Variants in RNF144A observed in about 807,000 individuals in gnomAD.
RNF144A encodes the protein E3 ubiquitin-protein ligase RNF144A.
A neutral mutation model predicts 38.7 loss-of-function variants in RNF144A; 11 were observed. The ratio of observed to expected loss-of-function variants is 0.28; its 90% CI spans 0.18 to 0.47. The LOEUF is 0.47. RNF144A is among the 20% of genes least tolerant of loss of function. RNF144A has a pLI of 0.99. For missense variants in RNF144A, 316 were observed against 377.2 expected (o/e 0.84, Z 1.34); for synonymous variants, 149 against 143.9 (o/e 1.04, Z -0.25).
chr2:7,031,786 G>A (rs972765488), intron 8 of RNF144A, among the ~76,000 whole-genome samples: 4 of 152,356 alleles, frequency 2.6e-5, no homozygotes, highest in South Asian at 2.1e-4. Context: ...GATAAGACAC[G>A]CCTCCCATCA....
At chr2:7,000,874 A>G (rs1670051965) in intron 3 of RNF144A, among the ~76,000 whole-genome samples, 1 of 150,810 alleles carries the variant, frequency 6.6e-6, no homozygotes, top group South Asian at 2.1e-4. Flanking sequence ...ATATATATAT[A>G]TAATTTTTTT....
rs975002242 is a variant in RNF144A at position 7,024,273 on chromosome 2, T to G, written c.510-96T>G. 3.7e-6 allele frequency: 4 copies of G among 1,095,202 alleles called. No individual in the cohort carries two copies. In the East Asian group the frequency reaches 7.9e-5, roughly 22 times the overall value. 67.8% of individuals were successfully genotyped at this position (1,095,202 alleles called of 1,614,324 possible). On this transcript the variant is annotated intron_variant, in intron 6 of 8. Transcript: ENST00000320892. ...TTCATTTAATACCAAGAAAACTCAG[T>G]CTGTGAAGTGGAGCCGATGCTTCCA...
At chr2:6,995,489 G>A (rs1383624142) in intron 2 of RNF144A, among the ~76,000 whole-genome samples, 1 of 152,182 alleles carries the variant, frequency 6.6e-6, no homozygotes, top group Non-Finnish European at 1.5e-5. Context: ...CCATCTGCAA[G>A]CTGAGGAGCA....
rs1664191959 is a variant in RNF144A, at chr2:6,917,495, T to TGCAGTGCGG, written c.-336_-328dup. ...AGGCGGGAGGCGGCAGGGCTGGCATTGCAGTGCGGGCCGTGCGGGCTGCGC... is the reference window on the plus strand; with the variant it reads ...AGGCGGGAGGCGGCAGGGCTGGCATTGCAGTGCGGGCAGTGCGGGCCGTGCGGGCTGCGC... On this transcript the variant is annotated 5_prime_UTR_variant, in exon 1 of 9. Transcript: ENST00000320892. The surrounding 1 kb of genome is among the most constrained non-coding windows in gnomAD (Gnocchi z 4.8). 3 of 147,234 alleles carry TGCAGTGCGG rather than the reference T, an allele frequency of 2.0e-5. No homozygotes were observed. Among genetic ancestry groups the TGCAGTGCGG allele is most frequent in the Non-Finnish European group, 4.5e-5 (3 of 66,150 alleles). 9.1% of individuals were successfully genotyped at this position (147,234 alleles called of 1,614,324 possible).
chr2:7,062,543 A>G (rs1251266411), intron 6 of RNF144A, among the ~76,000 whole-genome samples: 2 of 152,154 alleles, frequency 1.3e-5, no homozygotes, highest in Middle Eastern at 3.4e-3. Context: ...AGGGCCTTCA[A>G]TATCAATAGA....
chr2:6,927,497 C>T (rs1001208175), intron 1 of RNF144A, among the ~76,000 whole-genome samples: 6 of 152,204 alleles, frequency 3.9e-5, no homozygotes, highest in Admixed American at 2.0e-4. Flanking sequence ...TCCTGCTGGC[C>T]TGGCAGATAA....
At position 7,041,348 on chromosome 2, in the gene RNF144A, GT is replaced by G; in HGVS notation, c.*1590del. On this transcript the variant is annotated 3_prime_UTR_variant, in exon 9 of 9. Transcript: ENST00000320892. ...TTTCTTATTTCCTAACATTGAATTC[GT>G]TAGAAAAAACAGCGTCACCTCACTC... 3 of 985,738 alleles carry G rather than the reference GT, an allele frequency of 3.0e-6. No individual in the cohort carries two copies. Among genetic ancestry groups the G allele is most frequent in the Non-Finnish European group, 3.6e-6 (3 of 829,890 alleles). The allele number at this position is 985,738 out of a possible 1,614,324, so 61.1% of individuals were successfully genotyped here. A position where few individuals can be genotyped will look rare whatever the true frequency, so the allele number is the denominator to read the frequency against.
rs1224464059 is a variant in RNF144A, at chr2:7,040,869, C to T, written c.*1109C>T. ...CCAAGTCCTGTTGCTAACCGTTTTG[C>T]TCTTGTTGGGGAAAAGAACCTCCCA... On this transcript the variant is annotated 3_prime_UTR_variant, in exon 9 of 9. Coordinates refer to ENST00000320892, the MANE Select transcript of RNF144A (RefSeq NM_014746.6). 1 of 985,322 alleles carries T rather than the reference C, an allele frequency of 1.0e-6. No individual in the cohort carries two copies. Among genetic ancestry groups the T allele is most frequent in the Admixed American group, 6.1e-5 (1 of 16,272 alleles). 61.0% of individuals were successfully genotyped at this position (985,322 alleles called of 1,614,324 possible).
chr2:6,985,638 A>ACCTCATGATCCGCCCACC, intron 2 of RNF144A, among the ~76,000 whole-genome samples: 2 of 152,210 alleles, frequency 1.3e-5, no homozygotes, highest in African/African-American at 4.8e-5. Flanking sequence ...TCTGAAGTTG[A>ACCTCATGATCCGCCCACC]TCGGTATCAA....
intron 2 of RNF144A, among the ~76,000 whole-genome samples, chr2:6,974,368 G>A (rs537036804): frequency 1.3e-5 from 2 of 152,164 alleles, no homozygotes; most frequent in Non-Finnish European, 2.9e-5. Flanking sequence ...TGCCGTGTCC[G>A]TGGTGGTGTG....
At chr2:7,073,768 G>T in the RNF144A span, among the ~76,000 whole-genome samples, 5 of 152,218 alleles carry the variant, frequency 3.3e-5, no homozygotes, top group African/African-American at 1.2e-4. Flanking sequence ...CATACATGAG[G>T]TGAAGATATA....
At chr2:7,069,900 A>G (rs879363457), downstream of RNF144A, among the ~76,000 whole-genome samples, 2 of 152,220 alleles carry the variant, frequency 1.3e-5, no homozygotes, top group Non-Finnish European at 2.9e-5. Flanking sequence ...TTAACTTTCA[A>G]TGTGTTGTCA....
intron 5 of RNF144A, among the ~76,000 whole-genome samples, chr2:7,018,144 G>C (rs1396129565): frequency 6.6e-6 from 1 of 152,196 alleles, no homozygotes; most frequent in Non-Finnish European, 1.5e-5. Flanking sequence ...GCTCCTTGCT[G>C]ATGTCAGAAG....
rs1668289766 is a variant in RNF144A, at chr2:6,976,000, A to G, written c.-11-20916A>G. Reference sequence around the variant, plus strand: ...TTTTTCATCCTTTCTTCAGCGGCACAGTATTCCATTGTGCAGACCTTCCAT... The same window carrying G: ...TTTTTCATCCTTTCTTCAGCGGCACGGTATTCCATTGTGCAGACCTTCCAT... On this transcript the variant is annotated intron_variant, in intron 2 of 8. Transcript: ENST00000320892. Among the ~76,000 whole-genome samples, 4 of 152,342 alleles carry G rather than the reference A, an allele frequency of 2.6e-5. 1 individual carries two copies. The highest frequency in any genetic ancestry group is 5.9e-5 in the Non-Finnish European group (4 of 68,030).
At chr2:7,044,734 A>G (rs558488993), downstream of RNF144A, among the ~76,000 whole-genome samples, 9 of 152,314 alleles carry the variant, frequency 5.9e-5, no homozygotes, top group South Asian at 1.0e-3. Context: ...AGCTTGGAGG[A>G]GAATCTATAC....
chr2:6,918,310 G>T (rs927723231), intron 1 of RNF144A: 2 of 152,312 alleles, frequency 1.3e-5, no homozygotes, highest in Admixed American at 1.3e-4. Flanking sequence ...CCGACCCCAA[G>T]CCCCCTGCAC....
chr2:6,919,379 A>T (rs893462251), intron 1 of RNF144A, among the ~76,000 whole-genome samples: 1 of 152,144 alleles, frequency 6.6e-6, no homozygotes, highest in Non-Finnish European at 1.5e-5. Flanking sequence ...TGTTTTTTGC[A>T]CTTTTCTAAT....
chr2:7,006,586 G>A (rs527968472), intron 3 of RNF144A, among the ~76,000 whole-genome samples: 2 of 152,192 alleles, frequency 1.3e-5, no homozygotes, highest in South Asian at 4.1e-4. Context: ...GGTCTTCACA[G>A]GTGGGTCCTG....
chr2:6,976,410 G>GT (rs1558398875), intron 2 of RNF144A, among the ~76,000 whole-genome samples: 1 of 151,798 alleles, frequency 6.6e-6, no homozygotes, highest in African/African-American at 2.4e-5. Flanking sequence ...TTCCTTGATC[G>GT]TTTTTTATTC....
Sources: gnomAD v4.1 joint callset for allele counts (sites outside exome capture counted in the v4.1 genomes callset) on GRCh38, gnomAD v4.1.1 for gene constraint, Gnocchi (gnomAD v3.1) non-coding constraint, MANE v1.5 for transcripts, NCBI Gene and HGNC (gene_info 2026-07-23, HGNC 2026-07-21) for gene names.